ZNF626: variants seen among roughly 807,000 people sequenced by gnomAD.
The protein encoded by ZNF626 is CTC-513N18.7.
ZNF626 carries 4 observed loss-of-function variants against 11.7 expected under a neutral mutation model. That is an observed-to-expected ratio of 0.34 (90% confidence interval 0.17 to 0.78). The LOEUF (loss-of-function observed/expected upper bound fraction) is 0.78, where lower values mean the gene tolerates loss of function less well. ZNF626 is among the 30% of genes least tolerant of loss of function. ZNF626 has a pLI of 0.57. For synonymous variants in ZNF626, 179 were observed against 198.6 expected (o/e 0.90, Z 0.83); for missense variants, 588 against 587.1 (o/e 1.00, Z -0.01).
Position 20,622,321 on chromosome 19 carries a change from TTC to T in ZNF626, c.*1967_*1968del, listed in dbSNP as rs1175993768. On this transcript the variant is annotated 3_prime_UTR_variant, in exon 4 of 4. Transcript: ENST00000601440. ...TAATTGATATACTTTAATTTATAAT[TTC>T]TTTCTCTCAGTATAATGTAGAAAAG... 1 of 152,216 alleles carries T rather than the reference TTC, an allele frequency of 6.6e-6. No individual in the cohort carries two copies. The highest frequency in any genetic ancestry group is 1.5e-5 in the Non-Finnish European group (1 of 68,024). 9.4% of individuals were successfully genotyped at this position (152,216 alleles called of 1,614,324 possible). A position where few individuals can be genotyped will look rare whatever the true frequency, so the allele number is the denominator to read the frequency against.
rs1267647926 is a variant in ZNF626 at position 20,624,134 on chromosome 19, T to C, written c.*156A>G. ...TCTCCAGTATGAAATCTCTTATGTG[T>C]AGTAAGTTTAGAGGAGTGCTTAAAG... On this transcript the variant is annotated 3_prime_UTR_variant, in exon 4 of 4. Coordinates refer to ENST00000601440, the MANE Select transcript of ZNF626 (RefSeq NM_001076675.3). The C allele has an allele frequency of 9.1e-6, 11 of 1,214,762 alleles. No homozygotes were observed. The highest frequency in any genetic ancestry group is 1.7e-5 in the Admixed American group (1 of 58,898). The allele number at this position is 1,214,762 out of a possible 1,614,324, so 75.2% of individuals were successfully genotyped here. A position where few individuals can be genotyped will look rare whatever the true frequency, so the allele number is the denominator to read the frequency against.
At position 20,620,474 on chromosome 19, in the gene ZNF626, T is replaced by C. The variant is rs574438240; in HGVS notation, c.*3816A>G. 16 of 152,356 alleles carry C rather than the reference T, an allele frequency of 1.1e-4. No homozygotes were observed. The highest frequency in any genetic ancestry group is 6.8e-3 in the Middle Eastern group (2 of 294). 9.4% of individuals were successfully genotyped at this position (152,356 alleles called of 1,614,324 possible). A position where few individuals can be genotyped will look rare whatever the true frequency, so the allele number is the denominator to read the frequency against. ...TCACTCTATGAAAATTAAAAGTCTT[T>C]ACGTTTGCAGGCAGAGTGACCACAT... On this transcript the variant is annotated 3_prime_UTR_variant, in exon 4 of 4. Coordinates refer to ENST00000601440, the MANE Select transcript of ZNF626 (RefSeq NM_001076675.3).
intron 1 of ZNF626, among the ~76,000 whole-genome samples, chr19:20,648,772 T>C (rs1469356269): frequency 1.3e-5 from 2 of 152,196 alleles, no homozygotes; most frequent in Non-Finnish European, 2.9e-5. Context: ...GACCACAGTT[T>C]TCCCCAATAG....
chr19:20,636,884 G>A (rs1969970791), intron 3 of ZNF626, among the ~76,000 whole-genome samples: 1 of 152,022 alleles, frequency 6.6e-6, no homozygotes, highest in African/African-American at 2.4e-5. Context: ...ATTTGGGCAT[G>A]GTGGCACATT....
intron 3 of ZNF626, among the ~76,000 whole-genome samples, chr19:20,637,548 A>G (rs1969979976): frequency 6.6e-6 from 1 of 152,018 alleles, no homozygotes; most frequent in Admixed American, 6.6e-5. Context: ...TTTAATATCA[A>G]TAAAAAACTG....
At position 20,624,108 on chromosome 19, in the gene ZNF626, C is replaced by A; in HGVS notation, c.*182G>T. The A allele has an allele frequency of 9.8e-7, 1 of 1,023,276 alleles. No homozygotes were observed. Among genetic ancestry groups the A allele is most frequent in the Non-Finnish European group, 1.5e-6 (1 of 646,288 alleles). The allele number at this position is 1,023,276 out of a possible 1,614,324, so 63.4% of individuals were successfully genotyped here. A position where few individuals can be genotyped will look rare whatever the true frequency, so the allele number is the denominator to read the frequency against. ...CACATTATTCACATCTGTAGGGTTTCTCTCCAGTATGAAATCTCTTATGTG... is the reference window on the plus strand; with the variant it reads ...CACATTATTCACATCTGTAGGGTTTATCTCCAGTATGAAATCTCTTATGTG... On this transcript the variant is annotated 3_prime_UTR_variant, in exon 4 of 4. Coordinates refer to ENST00000601440, the MANE Select transcript of ZNF626 (RefSeq NM_001076675.3).
intron 3 of ZNF626, among the ~76,000 whole-genome samples, chr19:20,639,585 A>G (rs1970001736): frequency 6.6e-6 from 1 of 152,102 alleles, no homozygotes; most frequent in African/African-American, 2.4e-5. Flanking sequence ...AAACAAACCA[A>G]CCATTAAACA....
chr19:20,649,597 G>T (rs923625130), intron 1 of ZNF626, among the ~76,000 whole-genome samples: 30 of 152,172 alleles, frequency 2.0e-4, no homozygotes, highest in African/African-American at 7.2e-4. Context: ...ACAATAAACA[G>T]AAGCTGTGCG....
Position 20,625,541 on chromosome 19 carries a change from C to G in ZNF626, c.336G>C (p.Gln112His), listed in dbSNP as rs180881373. The G allele has an allele frequency of 6.2e-7, 1 of 1,613,390 alleles. No individual in the cohort carries two copies. The highest frequency in any genetic ancestry group is 2.2e-5 in the East Asian group (1 of 44,844). ...CCACACTTATACATCCTTTTTTTAA[C>G]TGTAAATTGTCATGTTCACATTTTT... ...RYEKCEHDNL[Q>H]LKKGCISVDE... The change falls in exon 4 of 4, where the codon CAG becomes CAC. Residue 112 changes from glutamine to histidine, a missense_variant. Physicochemically the swap from Gln to His is conservative, Grantham distance 24 (BLOSUM62 0). This residue lies in a region of ZNF626 where 524 missense variants were observed against 470.1 expected (regional missense o/e 1.11). Transcript: ENST00000601440.
At chr19:20,643,022 A>AG (rs1335314810) in intron 3 of ZNF626, among the ~76,000 whole-genome samples, 1 of 152,258 alleles carries the variant, frequency 6.6e-6, no homozygotes, top group African/African-American at 2.4e-5. Flanking sequence ...AAAAAAAAAA[A>AG]AAAAAATTTG....
rs578030520 is a variant in ZNF626 at position 20,657,296 on chromosome 19, C to T, written c.3+4148G>A. ...GGGAGGATGAGGTAGGAGAGAACTG[C>T]TTGAGCCTGAAAGATGGAAGCTAAA... On this transcript the variant is annotated intron_variant, in intron 1 of 3. Coordinates refer to ENST00000601440, the MANE Select transcript of ZNF626 (RefSeq NM_001076675.3). Among the ~76,000 whole-genome samples, 67 of 152,224 alleles carry T rather than the reference C, an allele frequency of 4.4e-4. 2 individuals carry two copies. In the South Asian group the frequency reaches 0.013, roughly 30 times the overall value.
At chr19:20,660,121 G>C (rs538024019) in intron 1 of ZNF626, among the ~76,000 whole-genome samples, 3 of 151,980 alleles carry the variant, frequency 2.0e-5, no homozygotes, top group Admixed American at 2.0e-4. Context: ...TTAGCCGGGC[G>C]TGATGGTGCA....
Position 20,645,782 on chromosome 19 carries a change from G to C in ZNF626, c.131-3C>G. 6.2e-7 allele frequency: 1 copy of C among 1,600,644 alleles called. No homozygotes were observed. Among genetic ancestry groups the C allele is most frequent in the Non-Finnish European group, 8.5e-7 (1 of 1,174,298 alleles). ...GTCTGGCTTAGAAACAGTAATACCT[G>C]TTTTATTAAAAATAAATAACATAAA... is the stretch of plus-strand genomic sequence containing the variant. On this transcript the variant is annotated splice_region_variant and splice_polypyrimidine_tract_variant and intron_variant, in intron 2 of 3. Transcript: ENST00000601440.
intron 1 of ZNF626, among the ~76,000 whole-genome samples, chr19:20,650,079 T>C (rs781854854): frequency 2.0e-5 from 3 of 152,242 alleles, no homozygotes; most frequent in Admixed American, 6.5e-5. Context: ...GCAGGTACTA[T>C]GTGCTCAAGA....
intron 3 of ZNF626, among the ~76,000 whole-genome samples, chr19:20,630,774 A>G (rs1555770282): frequency 6.6e-6 from 1 of 151,380 alleles, no homozygotes; most frequent in East Asian, 1.9e-4. Context: ...TTGTGTCTCT[A>G]TTTCCTTCAG....
chr19:20,660,968 C>T (rs1970260663), intron 1 of ZNF626, among the ~76,000 whole-genome samples: 2 of 152,142 alleles, frequency 1.3e-5, no homozygotes, highest in Non-Finnish European at 2.9e-5. Context: ...CCTAACACCT[C>T]TTTACCTCAA....
At chr19:20,630,388 G>C (rs532267032) in intron 3 of ZNF626, among the ~76,000 whole-genome samples, 1 of 149,764 alleles carries the variant, frequency 6.7e-6, no homozygotes, top group Non-Finnish European at 1.5e-5. Flanking sequence ...GGTAGAATTC[G>C]GCTGTGAATC....
rs782345516 is a variant in ZNF626, at chr19:20,624,082, C to T, written c.*208G>A. Reference sequence around the variant, plus strand: ...GTGTGAGGATAGGTGAAAAGCTTTACCACATTATTCACATCTGTAGGGTTT... The same window carrying T: ...GTGTGAGGATAGGTGAAAAGCTTTATCACATTATTCACATCTGTAGGGTTT... On this transcript the variant is annotated 3_prime_UTR_variant, in exon 4 of 4. Coordinates refer to ENST00000601440, the MANE Select transcript of ZNF626 (RefSeq NM_001076675.3). 2.1e-5 allele frequency: 18 copies of T among 873,486 alleles called. No homozygotes were observed. In the East Asian group the frequency reaches 3.4e-4, roughly 17 times the overall value. 54.1% of individuals were successfully genotyped at this position (873,486 alleles called of 1,614,324 possible).
chr19:20,627,047 T>A (rs1969843804), intron 3 of ZNF626, among the ~76,000 whole-genome samples: 1 of 151,710 alleles, frequency 6.6e-6, no homozygotes, highest in East Asian at 1.9e-4. Flanking sequence ...TAAATTTGAA[T>A]AACATTAGGT....
Sources: gnomAD v4.1 joint callset for allele counts (sites outside exome capture counted in the v4.1 genomes callset) on GRCh38, gnomAD v4.1.1 for gene constraint, gnomAD v4.1.1 regional missense constraint, MANE v1.5 for transcripts, NCBI Gene and HGNC (gene_info 2026-07-23, HGNC 2026-07-21) for gene names.